The following CLSTN1 variants were observed in gnomAD, a reference collection of about 807,000 sequenced individuals.
CLSTN1 encodes calsyntenin 1.
Under a neutral mutation model 108.3 loss-of-function variants are expected in CLSTN1, and 28 were observed. That is an observed-to-expected ratio of 0.26 (90% CI 0.19 to 0.35). The LOEUF (loss-of-function observed/expected upper bound fraction) is 0.35. Ranked by LOEUF, CLSTN1 falls within the 10% of genes least tolerant of loss-of-function variation. CLSTN1 has a pLI of 1.00. For missense variants in CLSTN1, 1,157 were observed against 1,302.6 expected (o/e 0.89, Z 1.72); for synonymous variants, 524 against 534.9 (o/e 0.98, Z 0.28).
chr1:9,771,552 T>A (rs1652681561), intron 2 of CLSTN1, among the ~76,000 whole-genome samples: 1 of 152,022 alleles, frequency 6.6e-6, no homozygotes, highest in Non-Finnish European at 1.5e-5. Flanking sequence ...AGGCAGAGGT[T>A]GCAGTGAGCT....
intron 1 of CLSTN1, among the ~76,000 whole-genome samples, chr1:9,802,563 TGA>T (rs1654328000): frequency 2.0e-5 from 3 of 152,218 alleles, no homozygotes; most frequent in South Asian, 2.1e-4. Context: ...CAACTGTACA[TGA>T]GAGAGGTACA....
At chr1:9,764,195 T>C (rs1277002748) in intron 2 of CLSTN1, among the ~76,000 whole-genome samples, 1 of 151,954 alleles carries the variant, frequency 6.6e-6, no homozygotes, top group Non-Finnish European at 1.5e-5. Flanking sequence ...CAATGAGCTC[T>C]TGTGGGAACT....
In CLSTN1 at chr1:9,751,610, G is replaced by T; in HGVS notation, c.512C>A (p.Ala171Asp). 1 of 1,614,158 alleles carries T rather than the reference G, an allele frequency of 6.2e-7. No individual in the cohort carries two copies. Among genetic ancestry groups the T allele is most frequent in the Non-Finnish European group, 8.5e-7 (1 of 1,180,040 alleles). The change falls in exon 5 of 19, where the codon GCC becomes GAC. Residue 171 changes from alanine to aspartate, a missense_variant. Coordinates refer to ENST00000377298, the MANE Select transcript of CLSTN1 (RefSeq NM_001009566.3). Reference protein sequence around the residue: ...APVFKEKSYKATVIEGKQYDS... With the variant: ...APVFKEKSYKDTVIEGKQYDS... ...GTACTGCTTCCCCTCGATGACCGTG[G>T]CTTTGTAGGACTTCTCCTTGAACAC...
chr1:9,773,288 C>A lies in CLSTN1; in HGVS notation c.198G>T (p.Ala66=). The A allele has an allele frequency of 1.9e-6, 3 of 1,614,036 alleles. No individual in the cohort carries two copies. Among genetic ancestry groups the A allele is most frequent in the Non-Finnish European group, 2.5e-6 (3 of 1,179,946 alleles). The change falls in exon 2 of 19, where the codon GCG becomes GCT. Residue 66 remains alanine, a synonymous_variant. Coordinates refer to ENST00000377298, the MANE Select transcript of CLSTN1 (RefSeq NM_001009566.3). ...CGTTCCTACCTGCAAATCGCAGAGG[C>A]GCATCTTTATCCAGCGCGATCAGTG... ...DPPLIALDKD[A]PLRFAESFEV...
In CLSTN1 at chr1:9,781,288, T is replaced by C; in HGVS notation, c.92-7894A>G. ...GATATGTCAAGCTCTGCAAGAGGATTTAAAGATTGCACTGTAGTCGAGAAT... is the reference window on the plus strand; with the variant it reads ...GATATGTCAAGCTCTGCAAGAGGATCTAAAGATTGCACTGTAGTCGAGAAT... On this transcript the variant is annotated intron_variant, in intron 1 of 18. Coordinates refer to ENST00000377298, the MANE Select transcript of CLSTN1 (RefSeq NM_001009566.3). 3 of 686,626 alleles carry C rather than the reference T, an allele frequency of 4.4e-6. No homozygotes were observed. The South Asian group carries it at 5.2e-5, about 12-fold the overall frequency. 42.5% of individuals were successfully genotyped at this position (686,626 alleles called of 1,614,324 possible).
chr1:9,778,883 C>T (rs1220098527), intron 1 of CLSTN1, among the ~76,000 whole-genome samples: 9 of 151,832 alleles, frequency 5.9e-5, no homozygotes, highest in African/African-American at 1.9e-4. Context: ...ATTAGCCGGG[C>T]GTGGTGGCAG....
chr1:9,797,275 G>A (rs140097114), intron 1 of CLSTN1, among the ~76,000 whole-genome samples: 1 of 152,056 alleles, frequency 6.6e-6, no homozygotes, highest in Non-Finnish European at 1.5e-5. Flanking sequence ...AATGCAGTGA[G>A]ACCCTGTCCA....
chr1:9,730,583 C>G lies in CLSTN1; in HGVS notation c.2871G>C (p.Glu957Asp). The G allele has an allele frequency of 6.2e-7, 1 of 1,606,612 alleles. No homozygotes were observed. Reference protein sequence around the residue: ...SAESESSEEEEGEQGDPQNAT... With the variant: ...SAESESSEEEDGEQGDPQNAT... ...CGTTCTGGGGGTCGCCCTGCTCCCC[C>G]TCCTCCTCCTCGCTGCTCTCCGACT... Residue 957 changes from glutamate (E) to aspartate (D), a missense_variant, in exon 19 of 19, where the codon GAG becomes GAC. Coordinates refer to ENST00000377298, the MANE Select transcript of CLSTN1 (RefSeq NM_001009566.3). The surrounding 1 kb of genome is among the most constrained non-coding windows in gnomAD (Gnocchi z 5.6).
intron 1 of CLSTN1, among the ~76,000 whole-genome samples, chr1:9,785,022 T>C (rs1653417107): frequency 6.6e-6 from 1 of 151,488 alleles, no homozygotes; most frequent in African/African-American, 2.4e-5. Flanking sequence ...TTGAGAGTCT[T>C]GCTCTGTCAC....
intron 1 of CLSTN1, among the ~76,000 whole-genome samples, chr1:9,812,805 G>A (rs1309080660): frequency 7.1e-5 from 10 of 140,700 alleles, no homozygotes; most frequent in African/African-American, 1.3e-4. Flanking sequence ...CTGAGATCAC[G>A]CCATTGCATT....
chr1:9,757,862 C>T (rs1383407792), intron 2 of CLSTN1, among the ~76,000 whole-genome samples: 1 of 152,198 alleles, frequency 6.6e-6, no homozygotes, highest in African/African-American at 2.4e-5. Flanking sequence ...CTTCTCTCCC[C>T]CAAAGGTAAC....
chr1:9,813,821 T>C (rs992552083), intron 1 of CLSTN1, among the ~76,000 whole-genome samples: 11 of 152,052 alleles, frequency 7.2e-5, no homozygotes, highest in Admixed American at 7.2e-4. Context: ...ACATGTTGGC[T>C]GGGCGCGGTG....
chr1:9,759,924 T>C (rs778977312), intron 2 of CLSTN1, among the ~76,000 whole-genome samples: 7 of 152,232 alleles, frequency 4.6e-5, no homozygotes, highest in Non-Finnish European at 7.3e-5. Context: ...CAGCTTTAAT[T>C]TGGATAAAAC....
rs747164558 is a variant in CLSTN1 at position 9,731,885 on chromosome 1, G to T, written c.2439C>A (p.Ile813=). ...SNEFKVEVNV[I]HTANPMEHAN... ...CGTGTTCCATGGGGTTGGCCGTGTG[G>T]ATTACATTCACCTATAGCAGAGAAA... The change falls in exon 17 of 19, where the codon ATC becomes ATA. Residue 813 remains isoleucine, a synonymous_variant. Coordinates refer to ENST00000377298, the MANE Select transcript of CLSTN1 (RefSeq NM_001009566.3). The T allele has an allele frequency of 2.5e-6, 4 of 1,614,148 alleles. No homozygotes were observed. In the Admixed American group the frequency reaches 6.7e-5, roughly 27 times the overall value.
At chr1:9,735,790 T>C (rs1650655036) in intron 12 of CLSTN1, 95 bp downstream of exon 12, 3 of 1,522,930 alleles carry the variant, frequency 2.0e-6, no homozygotes, top group African/African-American at 2.8e-5. Context: ...AGTAAACGTA[T>C]CAATCACAGA....
At chr1:9,804,797 A>G (rs1432766463) in intron 1 of CLSTN1, among the ~76,000 whole-genome samples, 1 of 152,158 alleles carries the variant, frequency 6.6e-6, no homozygotes, top group Non-Finnish European at 1.5e-5. Context: ...ATGCCACTGC[A>G]TTACAGCCTG....
At chr1:9,762,792 G>A (rs1652145474) in intron 2 of CLSTN1, among the ~76,000 whole-genome samples, 1 of 134,912 alleles carries the variant, frequency 7.4e-6, no homozygotes, top group South Asian at 2.3e-4. Context: ...GCCAAGCAGC[G>A]ACTATCCACT....
intron 2 of CLSTN1, among the ~76,000 whole-genome samples, chr1:9,764,237 C>T (rs1652218035): frequency 6.6e-6 from 1 of 151,822 alleles, no homozygotes; most frequent in Non-Finnish European, 1.5e-5. Context: ...CTACCCCCCA[C>T]CCCACCACCT....
chr1:9,795,545 T>C (rs541792758), intron 1 of CLSTN1, among the ~76,000 whole-genome samples: 1 of 151,258 alleles, frequency 6.6e-6, no homozygotes, highest in South Asian at 2.2e-4. Flanking sequence ...GAAGCATGTT[T>C]ATTTTTATTA....
Sources: allele counts gnomAD v4.1 joint callset (sites outside exome capture counted in the v4.1 genomes callset), GRCh38; gene constraint gnomAD v4.1.1; non-coding constraint Gnocchi (gnomAD v3.1); transcripts MANE v1.5; gene names NCBI Gene and HGNC (gene_info 2026-07-23, HGNC 2026-07-21).